Variants in CRYBG2 observed in about 807,000 individuals in gnomAD.
The protein encoded by CRYBG2 is beta/gamma crystallin domain-containing protein 2.
CRYBG2 carries 106 observed loss-of-function variants against 153.4 expected under a neutral mutation model. The ratio of observed to expected loss-of-function variants is 0.69; its 90% CI spans 0.59 to 0.81. CRYBG2 has a LOEUF of 0.81. Among genes scored for constraint, CRYBG2 ranks in the 30% least tolerant of loss-of-function variants. The pLI is 0.00. For synonymous variants in CRYBG2, 851 were observed against 877.8 expected (o/e 0.97, Z 0.54); for missense variants, 1,996 against 2,112.0 (o/e 0.95, Z 1.08).
In CRYBG2 at chr1:26,338,730, G is replaced by A. The variant is rs184766101; in HGVS notation, c.3345-253C>T. On this transcript the variant is annotated intron_variant, in intron 6 of 19. Transcript: ENST00000308182. ...GCTTCAATAACCCCAGTAGTTCCCT[G>A]TTAGCCTCACAATAAAGCCCGGCTA... is the stretch of plus-strand genomic sequence containing the variant. Among the ~76,000 whole-genome samples the A allele has an allele frequency of 3.9e-5, 6 of 152,234 alleles. No individual in the cohort carries two copies. In the East Asian group the frequency reaches 1.2e-3, roughly 29 times the overall value.
In CRYBG2 at chr1:26,346,042, C is replaced by A; in HGVS notation, c.616G>T (p.Ala206Ser). ...VTVRPVSSGEALPRGRQVSRM... is the reference protein window; with the variant it reads ...VTVRPVSSGESLPRGRQVSRM... ...GAGACCTGACGGCCCCGTGGCAGGG[C>A]CTCGCCTGAGGACACTGGCCTCACA... The change falls in exon 2 of 20, where the codon GCC (alanine) becomes TCC (serine). Residue 206 changes from alanine (A) to serine (S), a missense_variant. Coordinates refer to ENST00000308182, the MANE Select transcript of CRYBG2 (RefSeq NM_001039775.4). The surrounding 1 kb of genome is among the most constrained non-coding windows in gnomAD (Gnocchi z 4.9). The A allele has an allele frequency of 1.9e-6, 3 of 1,591,874 alleles. No homozygotes were observed. Among genetic ancestry groups the A allele is most frequent in the Non-Finnish European group, 2.6e-6 (3 of 1,176,468 alleles).
rs2074205979 is a variant in CRYBG2, at chr1:26,345,644, A to G, written c.1014T>C (p.Thr338=). Residue 338 remains threonine, a synonymous_variant, in exon 2 of 20, where the codon ACT becomes ACC. Coordinates refer to ENST00000308182, the MANE Select transcript of CRYBG2 (RefSeq NM_001039775.4). ...LWQVLGAPSS[T]ELPLQTSQGQ... ...CCTGAGAAGTCTGGAGAGGGAGCTCAGTGGAACTGGGGGCTCCCAGCACCT... is the reference window on the plus strand; with the variant it reads ...CCTGAGAAGTCTGGAGAGGGAGCTCGGTGGAACTGGGGGCTCCCAGCACCT... The G allele has an allele frequency of 6.3e-7, 1 of 1,599,016 alleles. No individual in the cohort carries two copies. The highest frequency in any genetic ancestry group is 1.3e-5 in the African/African-American group (1 of 75,048).
Position 26,329,925 on chromosome 1 carries a change from C to T in CRYBG2, c.4315-1052G>A, listed in dbSNP as rs192108883. Among the ~76,000 whole-genome samples, 89 of 152,130 alleles carry T rather than the reference C, an allele frequency of 5.9e-4. 2 individuals are homozygous for T. The East Asian group carries it at 0.012, about 21-fold the overall frequency. ...CATGCCCGGCTAATTTTTGTAGAGA[C>T]GGGGTTTCATCATGTTGGCCAGGCT... On this transcript the variant is annotated intron_variant, in intron 15 of 19. Coordinates refer to ENST00000308182, the MANE Select transcript of CRYBG2 (RefSeq NM_001039775.4).
chr1:26,348,337 G>T (rs2074249170), intron 1 of CRYBG2, among the ~76,000 whole-genome samples: 1 of 152,052 alleles, frequency 6.6e-6, no homozygotes, highest in African/African-American at 2.4e-5. Context: ...TGGGAGGATT[G>T]CTTGAGGCCA....
In CRYBG2 at chr1:26,341,166, G is replaced by A. The variant is rs181591492; in HGVS notation, c.3204+1588C>T. Among the ~76,000 whole-genome samples, 690 of 151,628 alleles carry A rather than the reference G, an allele frequency of 4.6e-3. 6 individuals are homozygous for A. Among genetic ancestry groups the A allele is most frequent in the African/African-American group, 0.016 (650 of 41,384 alleles). ...ATCCTGGCTAACACGGTGAAACCCC[G>A]TCTCTGCTAAAAATACAAAAAAAAA... On this transcript the variant is annotated intron_variant, in intron 5 of 19. Coordinates refer to ENST00000308182, the MANE Select transcript of CRYBG2 (RefSeq NM_001039775.4).
Position 26,344,113 on chromosome 1 carries a change from G to A in CRYBG2, c.2545C>T (p.Gln849Ter). 1 of 1,536,160 alleles carries A rather than the reference G, an allele frequency of 6.5e-7. No individual in the cohort carries two copies. The highest frequency in any genetic ancestry group is 8.7e-7 in the Non-Finnish European group (1 of 1,146,900). ...LSDDEKLQRR[Q>*]EKAGPSPSRD... Reference sequence around the variant, plus strand: ...GAGGGGCTGGGCCCAGCTTTCTCCTGCCTGCGCTGGAGCTTCTCATCGTCA... The same window carrying A: ...GAGGGGCTGGGCCCAGCTTTCTCCTACCTGCGCTGGAGCTTCTCATCGTCA... The change falls in exon 2 of 20, where the codon CAG becomes TAG. Residue 849 changes from glutamine to a stop codon, truncating the protein, a stop_gained. Coordinates refer to ENST00000308182, the MANE Select transcript of CRYBG2 (RefSeq NM_001039775.4). LOFTEE classifies it high-confidence loss of function.
At chr1:26,337,903 T>G in intron 8 of CRYBG2, 109 bp downstream of exon 8, 1 of 1,444,174 alleles carries the variant, frequency 6.9e-7, no homozygotes, top group Non-Finnish European at 9.4e-7. Flanking sequence ...AGACCGTGCT[T>G]CTGGCCCCCA....
At chr1:26,349,228 T>C (rs1176135886) in intron 1 of CRYBG2, among the ~76,000 whole-genome samples, 1 of 152,142 alleles carries the variant, frequency 6.6e-6, no homozygotes. Flanking sequence ...GTTAGGGCAC[T>C]TGGGCTTTAC....
intron 8 of CRYBG2, 109 bp from the exon 9 acceptor site, chr1:26,337,783 CT>C: frequency 1.4e-6 from 2 of 1,453,348 alleles, no homozygotes; most frequent in Non-Finnish European, 1.8e-6. Flanking sequence ...GCCCTCCCAC[CT>C]CCTTGCTGAA....
chr1:26,344,031 A>G lies in CRYBG2; in HGVS notation c.2627T>C (p.Met876Thr), dbSNP rs1336395706. Residue 876 changes from methionine to threonine, a missense_variant, in exon 2 of 20, where the codon ATG (methionine) becomes ACG (threonine). Transcript: ENST00000308182. ...CTTGGTTCCTGCTACATGCTTCTTCATCATCTCCAGAGGAGAGCAGGAGAC... is the reference window on the plus strand; with the variant it reads ...CTTGGTTCCTGCTACATGCTTCTTCGTCATCTCCAGAGGAGAGCAGGAGAC... The part of the protein sequence containing the change: ...TQVSCSPLEM[M>T]KKHVAGTKGP... 6.5e-7 allele frequency: 1 copy of G among 1,536,122 alleles called. No homozygotes were observed. The highest frequency in any genetic ancestry group is 8.7e-7 in the Non-Finnish European group (1 of 1,146,902).
chr1:26,344,243 C>G lies in CRYBG2; in HGVS notation c.2415G>C (p.Glu805Asp). ...SMYATLPAIEEDQLGPWVLGP... is the reference protein window; with the variant it reads ...SMYATLPAIEDDQLGPWVLGP... The stretch of plus-strand genomic sequence containing the variant: ...CCAGCACCCATGGCCCCAGCTGGTC[C>G]TCCTCAATGGCAGGCAGCGTGGCGT... Residue 805 changes from glutamate (E) to aspartate (D), a missense_variant, in exon 2 of 20, where the codon GAG becomes GAC. Physicochemically the swap from Glu to Asp is conservative, Grantham distance 45. Coordinates refer to ENST00000308182, the MANE Select transcript of CRYBG2 (RefSeq NM_001039775.4). The G allele has an allele frequency of 6.5e-7, 1 of 1,534,906 alleles. No homozygotes were observed. Among genetic ancestry groups the G allele is most frequent in the Non-Finnish European group, 8.7e-7 (1 of 1,145,930 alleles).
At chr1:26,332,797 C>T (rs551488598) in intron 14 of CRYBG2, among the ~76,000 whole-genome samples, 1 of 151,768 alleles carries the variant, frequency 6.6e-6, no homozygotes, top group Admixed American at 6.6e-5. Context: ...TGAGCCACTG[C>T]ACCTGGCCAA....
Position 26,346,331 on chromosome 1 carries a change from C to A in CRYBG2, c.327G>T (p.Arg109Ser). The stretch of plus-strand genomic sequence containing the variant: ...CAGCCTCCTTCAGCCTCCCCTCAGG[C>A]CTTTTCTCCTTGGGAGGTGGTATGT... Reference protein sequence around the residue: ...KKYIPPPKEKRPEGRLKEAVD... With the variant: ...KKYIPPPKEKSPEGRLKEAVD... Residue 109 changes from arginine (R) to serine (S), a missense_variant, in exon 2 of 20, where the codon AGG (arginine) becomes AGT (serine). Arg to Ser is a moderately radical substitution (Grantham distance 110). Coordinates refer to ENST00000308182, the MANE Select transcript of CRYBG2 (RefSeq NM_001039775.4). The surrounding 1 kb of genome is among the most constrained non-coding windows in gnomAD (Gnocchi z 4.9). 1 of 1,599,460 alleles carries A rather than the reference C, an allele frequency of 6.3e-7. No individual in the cohort carries two copies. Among genetic ancestry groups the A allele is most frequent in the African/African-American group, 1.3e-5 (1 of 75,034 alleles).
At position 26,337,314 on chromosome 1, in the gene CRYBG2, G is replaced by A. The variant is rs1409266832; in HGVS notation, c.3710C>T (p.Pro1237Leu). The A allele has an allele frequency of 1.9e-6, 3 of 1,613,944 alleles. No homozygotes were observed. The African/African-American group carries it at 4.0e-5, about 22-fold the overall frequency. ...HQYLLEEGEY[P>L]DWSHWGGYDE... ...ATAGCCTCCCCAGTGTGACCAGTCT[G>A]GGTATTCCCCCTCCTCCAGCAGATA... The change falls in exon 10 of 20, where the codon CCA becomes CTA. Residue 1237 changes from proline to leucine, a missense_variant. Physicochemically the swap from Pro to Leu is moderately conservative, Grantham distance 98. Coordinates refer to ENST00000308182, the MANE Select transcript of CRYBG2 (RefSeq NM_001039775.4).
intron 1 of CRYBG2, among the ~76,000 whole-genome samples, chr1:26,349,109 C>T (rs1334883589): frequency 6.6e-6 from 1 of 151,934 alleles, no homozygotes; most frequent in East Asian, 2.0e-4. Context: ...GCGGAGGTTG[C>T]AGTGAGCTGA....
intron 14 of CRYBG2, among the ~76,000 whole-genome samples, chr1:26,335,385 G>A (rs7552863): frequency 0.79 from 119,698 of 152,162 alleles, 47,742 homozygotes; most frequent in Middle Eastern, 0.84. Flanking sequence ...GCTGAGGCAG[G>A]AGAATCGCTT....
intron 18 of CRYBG2, among the ~76,000 whole-genome samples, chr1:26,322,917 G>A (rs910822385): frequency 6.6e-6 from 1 of 152,106 alleles, no homozygotes; most frequent in Admixed American, 6.6e-5. Flanking sequence ...CACCCAGCTA[G>A]CCTTGCTAGC....
At position 26,335,489 on chromosome 1, in the gene CRYBG2, A is replaced by AACAAT. The variant is rs760970473; in HGVS notation, c.4184+601_4184+605dup. 3.5e-4 allele frequency among the ~76,000 whole-genome samples: 52 copies of AACAAT among 149,710 alleles called. 1 individual carries two copies. The East Asian group carries it at 7.8e-3, about 22-fold the overall frequency. On this transcript the variant is annotated intron_variant, in intron 14 of 19. Transcript: ENST00000308182. ...AAAACTCTGTCTCAAAACAAAACAAAACAATACAAAAAAAACTACTGGGGT... is the reference window on the plus strand; with the variant it reads ...AAAACTCTGTCTCAAAACAAAACAAAACAATACAATACAAAAAAAACTACTGGGGT...
At position 26,345,897 on chromosome 1, in the gene CRYBG2, G is replaced by A; in HGVS notation, c.761C>T (p.Pro254Leu). 1.3e-6 allele frequency: 2 copies of A among 1,597,770 alleles called. No individual in the cohort carries two copies. Among genetic ancestry groups the A allele is most frequent in the South Asian group, 2.2e-5 (2 of 91,046 alleles). Reference sequence around the variant, plus strand: ...CCTTGGCCCGCCAGCCGTGGGCCTGGGCAGGTGACTGGCAGGGGGGCTGTG... The same window carrying A: ...CCTTGGCCCGCCAGCCGTGGGCCTGAGCAGGTGACTGGCAGGGGGGCTGTG... ...AGHSPPASHL[P>L]RPTAGGPRST... The change falls in exon 2 of 20, where the codon CCC (proline) becomes CTC (leucine). Residue 254 changes from proline (P) to leucine (L), a missense_variant. Transcript: ENST00000308182.
Sources: gnomAD v4.1 joint callset for allele counts (sites outside exome capture counted in the v4.1 genomes callset) on GRCh38, gnomAD v4.1.1 for gene constraint, Gnocchi (gnomAD v3.1) non-coding constraint, MANE v1.5 for transcripts, NCBI Gene and HGNC (gene_info 2026-07-23, HGNC 2026-07-21) for gene names.